NFASC: variants seen among roughly 807,000 people sequenced by gnomAD.
The protein encoded by NFASC is neurofascin homolog.
In NFASC, 43 loss-of-function variants were observed where a neutral mutation model predicts 147.5. The ratio of observed to expected loss-of-function variants is 0.29; its 90% CI spans 0.23 to 0.38. The LOEUF is 0.38. NFASC is among the 10% of genes least tolerant of loss of function. The pLI, the probability that NFASC is intolerant of heterozygous loss-of-function variation, is 1.00. For synonymous variants in NFASC, 622 were observed against 665.5 expected (o/e 0.93, Z 1.01); for missense variants, 1,320 against 1,689.0 (o/e 0.78, Z 3.83).
chr1:204,883,860 G>A (rs2080805059), intron 1 of NFASC, among the ~76,000 whole-genome samples: 1 of 152,178 alleles, frequency 6.6e-6, no homozygotes, highest in South Asian at 2.1e-4. Context: ...GGGATGAGTG[G>A]TGCCTGAGTC....
chr1:204,924,870 G>T (rs1454255356), intron 2 of NFASC, among the ~76,000 whole-genome samples: 1 of 152,096 alleles, frequency 6.6e-6, no homozygotes, highest in African/African-American at 2.4e-5. Flanking sequence ...CGTTTATTTT[G>T]TTTGCTTTGT....
intron 8 of NFASC, among the ~76,000 whole-genome samples, chr1:204,961,419 A>T (rs2094659001): frequency 6.6e-6 from 1 of 152,226 alleles, no homozygotes; most frequent in Non-Finnish European, 1.5e-5. Flanking sequence ...CTAAAGCCTG[A>T]ACCTCAGGGA....
chr1:204,861,052 A>C (rs2076616541), intron 1 of NFASC, among the ~76,000 whole-genome samples: 1 of 143,710 alleles, frequency 7.0e-6, no homozygotes, highest in Non-Finnish European at 1.5e-5. Flanking sequence ...TTTTGTGTAC[A>C]AGTTTTAGTT....
chr1:204,881,831 T>C (rs1029380187), intron 1 of NFASC, among the ~76,000 whole-genome samples: 1 of 152,168 alleles, frequency 6.6e-6, no homozygotes, highest in Non-Finnish European at 1.5e-5. Context: ...AGAACCCTGC[T>C]AAGTCAGTTT....
At chr1:204,852,815 G>T (rs2075813962) in intron 1 of NFASC, among the ~76,000 whole-genome samples, 1 of 152,230 alleles carries the variant, frequency 6.6e-6, no homozygotes, top group Admixed American at 6.5e-5. Context: ...AGCCTCCTGG[G>T]CTTGCCTCAT....
Position 204,986,842 on chromosome 1 carries a change from T to C in NFASC, c.2471-576T>C, listed in dbSNP as rs540218368. On this transcript the variant is annotated intron_variant, in intron 21 of 29. Transcript: ENST00000339876. The surrounding 1 kb of genome is among the most constrained non-coding windows in gnomAD (Gnocchi z 4.2). The stretch of plus-strand genomic sequence containing the variant: ...TCCTCTGTTCTTCCCTCTTGTTCTC[T>C]TTATCCCTGTCTTTCCCTCCCCTTG... 6.4e-6 allele frequency: 1 copy of C among 155,492 alleles called. No homozygotes were observed. Among genetic ancestry groups the C allele is most frequent in the Admixed American group, 6.3e-5 (1 of 15,782 alleles). 9.6% of individuals were successfully genotyped at this position (155,492 alleles called of 1,614,324 possible).
rs773480973 is a variant in NFASC at position 204,952,153 on chromosome 1, C to T, written c.215+37C>T. ...GGAAAAAGAGTGCATTGAAACCACC[C>T]GCTTGCCTCTGGGCCTGATGATAAC... On this transcript the variant is annotated intron_variant, in intron 5 of 29. Coordinates refer to ENST00000339876, the MANE Select transcript of NFASC (RefSeq NM_001005388.3). The T allele has an allele frequency of 6.0e-5, 89 of 1,482,344 alleles. 1 individual carries two copies. In the East Asian group the frequency reaches 1.5e-3, roughly 26 times the overall value. The allele number at this position is 1,482,344 out of a possible 1,614,324, so 91.8% of individuals were successfully genotyped here. A position where few individuals can be genotyped will look rare whatever the true frequency, so the allele number is the denominator to read the frequency against.
At chr1:204,857,639 G>T (rs1307912105) in intron 1 of NFASC, among the ~76,000 whole-genome samples, 2 of 152,154 alleles carry the variant, frequency 1.3e-5, no homozygotes, top group Non-Finnish European at 2.9e-5. Flanking sequence ...CTGCTTGGGT[G>T]CCCCAAAATG....
chr1:205,002,956 G>T (rs2096022880), intron 27 of NFASC, among the ~76,000 whole-genome samples: 1 of 152,218 alleles, frequency 6.6e-6, no homozygotes, highest in Admixed American at 6.5e-5. Flanking sequence ...TAGTGGAGAG[G>T]AAACAGTGAT....
At chr1:204,889,111 G>A (rs1269341537) in intron 1 of NFASC, among the ~76,000 whole-genome samples, 2 of 152,186 alleles carry the variant, frequency 1.3e-5, no homozygotes, top group South Asian at 2.1e-4. Context: ...CGAGGTTTCT[G>A]CCTGTCTGCA....
intron 1 of NFASC, 27 bp downstream of exon 1, chr1:204,828,809 T>G: frequency 1.0e-6 from 1 of 985,256 alleles, no homozygotes; most frequent in Non-Finnish European, 1.2e-6. Flanking sequence ...ACCGGAGAGA[T>G]GGGGGTAGAG....
intron 24 of NFASC, among the ~76,000 whole-genome samples, chr1:204,994,584 T>C (rs148691596): frequency 6.6e-6 from 1 of 152,276 alleles, no homozygotes; most frequent in Non-Finnish European, 1.5e-5. Context: ...ACTGCACCTG[T>C]AGGAAGGGAG....
At chr1:204,890,921 C>A (rs1435337096) in intron 1 of NFASC, among the ~76,000 whole-genome samples, 1 of 152,214 alleles carries the variant, frequency 6.6e-6, no homozygotes, top group East Asian at 1.9e-4. Context: ...TAGTGGCATG[C>A]ATCCCCTGAT....
Position 204,986,215 on chromosome 1 carries a change from G to A in NFASC, c.2471-1203G>A. On this transcript the variant is annotated intron_variant, in intron 21 of 29. Transcript: ENST00000339876. The surrounding 1 kb of genome is among the most constrained non-coding windows in gnomAD (Gnocchi z 4.2). ...CGTGGCTCAGCATGGATGGCACAAG[G>A]TGACTTCTGCGAGGCCTCCAGGAGC... 3.5e-6 allele frequency: 3 copies of A among 856,612 alleles called. No homozygotes were observed. Among genetic ancestry groups the A allele is most frequent in the Non-Finnish European group, 5.7e-6 (3 of 527,186 alleles). The allele number at this position is 856,612 out of a possible 1,614,324, so 53.1% of individuals were successfully genotyped here.
At chr1:204,926,157 T>G (rs1432288987) in intron 2 of NFASC, among the ~76,000 whole-genome samples, 1 of 151,760 alleles carries the variant, frequency 6.6e-6, no homozygotes, top group African/African-American at 2.4e-5. Context: ...CCAAACCTAA[T>G]TATTCCTTAA....
chr1:205,008,543 C>T (rs2595971), intron 27 of NFASC: 51,417 of 152,232 alleles, frequency 0.34, 10,684 homozygotes, highest in Non-Finnish European at 0.48. Context: ...GGAGGGGTCG[C>T]TTTTGTTCTC....
At chr1:204,944,523 C>T (rs763209038) in intron 3 of NFASC, 117 bp downstream of exon 3, 30 of 825,776 alleles carry the variant, frequency 3.6e-5, no homozygotes, top group Middle Eastern at 3.8e-4. Flanking sequence ...AGAGGGGACG[C>T]AGTGGATTCT....
intron 2 of NFASC, among the ~76,000 whole-genome samples, chr1:204,928,855 G>T (rs2092036898): frequency 6.6e-6 from 1 of 152,066 alleles, no homozygotes; most frequent in South Asian, 2.1e-4. Context: ...TCCTGCTGGT[G>T]GCTTATGAAT....
chr1:204,992,722 C>G (rs958573636), intron 24 of NFASC, among the ~76,000 whole-genome samples: 4 of 152,218 alleles, frequency 2.6e-5, no homozygotes, highest in Admixed American at 2.6e-4. Flanking sequence ...GCTGCAAGCT[C>G]AATGGGGAAG....
Sources: gnomAD v4.1 joint callset for allele counts (sites outside exome capture counted in the v4.1 genomes callset) on GRCh38, gnomAD v4.1.1 for gene constraint, Gnocchi (gnomAD v3.1) non-coding constraint, MANE v1.5 for transcripts, NCBI Gene and HGNC (gene_info 2026-07-23, HGNC 2026-07-21) for gene names.